IGF2R: variants seen among roughly 807,000 people sequenced by gnomAD.
The protein encoded by IGF2R is insulin like growth factor 2 receptor.
IGF2R carries 91 observed loss-of-function variants against 270.6 expected under a neutral mutation model. The observed-to-expected ratio is 0.34, with a 90% CI of 0.28 to 0.40. The LOEUF (loss-of-function observed/expected upper bound fraction) is 0.40. IGF2R is among the 10% of genes least tolerant of loss of function. The pLI, the probability that IGF2R is intolerant of heterozygous loss-of-function variation, is 1.00. For synonymous variants in IGF2R, 1,316 were observed against 1,258.9 expected, an observed-to-expected ratio of 1.05 and a Z score of -0.96; for missense variants, 2,805 against 3,188.3, an observed-to-expected ratio of 0.88 and a Z score of 2.90.
At chr6:160,035,345 G>A (rs1777794622) in intron 10 of IGF2R, among the ~76,000 whole-genome samples, 1 of 152,206 alleles carries the variant, frequency 6.6e-6, no homozygotes, top group African/African-American at 2.4e-5. Context: ...TACAGGATGG[G>A]TTGCTACAGG....
chr6:159,986,706 G>A (rs1270700401), intron 1 of IGF2R, among the ~76,000 whole-genome samples: 1 of 151,544 alleles, frequency 6.6e-6, no homozygotes, highest in Non-Finnish European at 1.5e-5. Flanking sequence ...TACTGTTACA[G>A]CTTAGTTTTC....
In IGF2R at chr6:160,027,588, C is replaced by T. The variant is rs566464641; in HGVS notation, c.776+274C>T. ...CCTGTATTTGCCTCATGAAATAATG[C>T]CTATCTTAAGGTGCCATCTGATATT... On this transcript the variant is annotated intron_variant, in intron 6 of 47. Transcript: ENST00000356956. Among the ~76,000 whole-genome samples, 4 of 152,294 alleles carry T rather than the reference C, an allele frequency of 2.6e-5. No individual in the cohort carries two copies. The South Asian group carries it at 8.3e-4, about 32-fold the overall frequency.
intron 4 of IGF2R, among the ~76,000 whole-genome samples, chr6:160,023,206 T>A (rs1583265260): frequency 6.6e-6 from 1 of 151,382 alleles, no homozygotes; most frequent in Non-Finnish European, 1.5e-5. Context: ...ATGGTGGAGG[T>A]GATAAGTAGG....
chr6:160,045,827 C>T lies in IGF2R; in HGVS notation c.1848C>T (p.Ala616=). The T allele has an allele frequency of 6.2e-7, 1 of 1,612,384 alleles. No individual in the cohort carries two copies. The highest frequency in any genetic ancestry group is 1.1e-5 in the South Asian group (1 of 90,830). Reference sequence around the variant, plus strand: ...AGTTTGAGTGGCACACAGCTGCGGCCTGTGTGCTGTCTAAGACAGAAGGGG... The same window carrying T: ...AGTTTGAGTGGCACACAGCTGCGGCTTGTGTGCTGTCTAAGACAGAAGGGG... ...FYEFEWHTAA[A]CVLSKTEGEN... is the part of the protein sequence containing the mutation. Residue 616 remains alanine (A), a synonymous_variant, in exon 14 of 48, where the codon GCC becomes GCT. Coordinates refer to ENST00000356956, the MANE Select transcript of IGF2R (RefSeq NM_000876.4).
intron 7 of IGF2R, among the ~76,000 whole-genome samples, chr6:160,030,769 T>G (rs1308962347): frequency 6.6e-6 from 1 of 152,018 alleles, no homozygotes; most frequent in Non-Finnish European, 1.5e-5. Context: ...AGGCATTTCT[T>G]GGTGTTAGAA....
At chr6:160,062,655 TG>T in intron 26 of IGF2R, 36 bp downstream of exon 26, 1 of 1,459,986 alleles carries the variant, frequency 6.8e-7, no homozygotes, top group South Asian at 1.1e-5. Context: ...TCATTTTAAA[TG>T]TATAGAGTAG....
At chr6:160,058,804 G>T in intron 21 of IGF2R, 102 bp from the exon 22 acceptor site, 1 of 1,026,122 alleles carries the variant, frequency 9.7e-7, no homozygotes, top group Non-Finnish European at 1.5e-6. Flanking sequence ...TAACAAATAA[G>T]AAATGTTTAA....
chr6:160,034,447 T>C lies in IGF2R; in HGVS notation c.1240T>C (p.Tyr414His), dbSNP rs1174067825. The C allele has an allele frequency of 2.5e-6, 4 of 1,606,866 alleles. No individual in the cohort carries two copies. The highest frequency in any genetic ancestry group is 1.1e-5 in the South Asian group (1 of 90,918). The change falls in exon 10 of 48, where the codon TAT becomes CAT. Residue 414 changes from tyrosine (Y) to histidine (H), a missense_variant. Physicochemically the swap from Tyr to His is moderately conservative, Grantham distance 83. Coordinates refer to ENST00000356956, the MANE Select transcript of IGF2R (RefSeq NM_000876.4). The stretch of plus-strand genomic sequence containing the variant: ...TTCGGATGGAGACCTCACCTTGATA[T>C]ATTTTGGAGGTGATGAATGCAGCTC... ...RYSDGDLTLIYFGGDECSSGF... is the reference protein window; with the variant it reads ...RYSDGDLTLIHFGGDECSSGF...
rs768184921 is a variant in IGF2R at position 160,068,291 on chromosome 6, G to C, written c.4158G>C (p.Arg1386Ser). The change falls in exon 30 of 48, where the codon AGG (arginine) becomes AGC (serine). Residue 1386 changes from arginine to serine, a missense_variant. By Grantham distance (110) the Arg-to-Ser change is moderately radical. This residue lies in a region of IGF2R where 1,851 missense variants were observed against 2,207.2 expected (regional missense o/e 0.84). Transcript: ENST00000356956. ...GNSFDLSSLS[R>S]YSDNWEAITG... ...CCTTCGACCTCTCGTCCCTGTCAAG[G>C]TACAGTGACAACTGGGAAGCCATCA... 1 of 1,614,106 alleles carries C rather than the reference G, an allele frequency of 6.2e-7. No individual in the cohort carries two copies.
chr6:160,082,625 G>A lies in IGF2R; in HGVS notation c.5834-1325G>A, dbSNP rs537053890. 1.4e-3 allele frequency among the ~76,000 whole-genome samples: 202 copies of A among 147,562 alleles called. 1 individual carries two copies. Among genetic ancestry groups the A allele is most frequent in the African/African-American group, 4.7e-3 (185 of 39,508 alleles). On this transcript the variant is annotated intron_variant, in intron 39 of 47. Transcript: ENST00000356956. The stretch of plus-strand genomic sequence containing the variant: ...GCGCCCAGCTATCTTATTTTTTTTC[G>A]TGATCATTAGTAGATTGGTCAAATA...
intron 1 of IGF2R, among the ~76,000 whole-genome samples, chr6:159,976,053 T>C (rs1783688640): frequency 6.6e-6 from 1 of 151,926 alleles, no homozygotes; most frequent in African/African-American, 2.4e-5. Context: ...TGAAACAGTT[T>C]GTATATAAGA....
chr6:160,071,127 G>A (rs977936581), intron 31 of IGF2R, among the ~76,000 whole-genome samples: 1 of 150,612 alleles, frequency 6.6e-6, no homozygotes, highest in Non-Finnish European at 1.5e-5. Context: ...GATGAGGGTG[G>A]TGTGTGGGGG....
At chr6:160,065,991 T>G (rs1405914897) in intron 29 of IGF2R, among the ~76,000 whole-genome samples, 8 of 145,564 alleles carry the variant, frequency 5.5e-5, no homozygotes, top group Non-Finnish European at 1.2e-4. Context: ...GACACCACCA[T>G]GCCTGGCTAA....
chr6:160,078,998 T>C (rs1778915484), intron 37 of IGF2R, among the ~76,000 whole-genome samples: 1 of 152,196 alleles, frequency 6.6e-6, no homozygotes. Flanking sequence ...GTGCCTGGAC[T>C]GGGGTACGGA....
chr6:160,077,003 G>C (rs1778868228), intron 36 of IGF2R, among the ~76,000 whole-genome samples: 1 of 152,080 alleles, frequency 6.6e-6, no homozygotes, highest in Non-Finnish European at 1.5e-5. Flanking sequence ...GTTTGTAAAG[G>C]GACTGTTAGA....
chr6:160,042,134 C>A lies in IGF2R; in HGVS notation c.1481-1014C>A, dbSNP rs867520979. ...TCTGCAGTATTTCGTGGTATTTGTGCGTAGATAGCCCTAAGTAAATTATGA... is the reference window on the plus strand; with the variant it reads ...TCTGCAGTATTTCGTGGTATTTGTGAGTAGATAGCCCTAAGTAAATTATGA... On this transcript the variant is annotated intron_variant, in intron 11 of 47. Transcript: ENST00000356956. Among the ~76,000 whole-genome samples, 57 of 152,186 alleles carry A rather than the reference C, an allele frequency of 3.7e-4. No homozygotes were observed. The Middle Eastern group carries it at 0.017, about 45-fold the overall frequency.
chr6:160,000,822 G>A (rs759322955), intron 2 of IGF2R, among the ~76,000 whole-genome samples: 7 of 132,306 alleles, frequency 5.3e-5, no homozygotes, highest in South Asian at 2.6e-4. Flanking sequence ...TGCATCCTCC[G>A]CCCCCTGGGT....
At position 160,064,813 on chromosome 6, in the gene IGF2R, C is replaced by G; in HGVS notation, c.4027C>G (p.Leu1343Val). 3 of 1,611,434 alleles carry G rather than the reference C, an allele frequency of 1.9e-6. No individual in the cohort carries two copies. Among genetic ancestry groups the G allele is most frequent in the Non-Finnish European group, 2.5e-6 (3 of 1,177,528 alleles). Residue 1343 changes from leucine (L) to valine (V), a missense_variant, in exon 29 of 48, where the codon CTA (leucine) becomes GTA (valine). Coordinates refer to ENST00000356956, the MANE Select transcript of IGF2R (RefSeq NM_000876.4). ...CDRGTQRPVF[L>V]KETSDCSYLF... ...CTCTTAACTTTTTTAGCCAGTATTT[C>G]TAAAGGAGACTTCAGATTGTTCCTA... is the stretch of plus-strand genomic sequence containing the variant.
intron 19 of IGF2R, among the ~76,000 whole-genome samples, chr6:160,055,446 A>G (rs1778291254): frequency 6.6e-6 from 1 of 152,184 alleles, no homozygotes; most frequent in South Asian, 2.1e-4. Context: ...CACTGAAGGA[A>G]GAAAGGGCCG....
Sources: gnomAD v4.1 joint callset for allele counts (sites outside exome capture counted in the v4.1 genomes callset) on GRCh38, gnomAD v4.1.1 for gene constraint, gnomAD v4.1.1 regional missense constraint, MANE v1.5 for transcripts, NCBI Gene and HGNC (gene_info 2026-07-23, HGNC 2026-07-21) for gene names.